Variants in THBS2 observed in about 807,000 individuals in gnomAD.
THBS2 encodes thrombospondin-2.
A neutral mutation model predicts 135.2 loss-of-function variants in THBS2; 47 were observed. The observed-to-expected ratio is 0.35, with a 90% CI of 0.28 to 0.44. The LOEUF is 0.44. Among genes scored for constraint, THBS2 ranks in the 20% least tolerant of loss-of-function variants. THBS2 has a pLI of 1.00. For missense variants in THBS2, 1,288 were observed against 1,603.1 expected (o/e 0.80, Z 3.36); for synonymous variants, 639 against 633.8 (o/e 1.01, Z -0.12).
chr6:169,249,885 C>T (rs1469355311), intron 2 of THBS2, among the ~76,000 whole-genome samples: 1 of 152,056 alleles, frequency 6.6e-6, no homozygotes, highest in Admixed American at 6.6e-5. Context: ...AAAAAATTAG[C>T]CAGGCATGGT....
Position 169,248,668 on chromosome 6 carries a change from G to A in THBS2, c.358C>T (p.Pro120Ser), listed in dbSNP as rs1780646760. ...TAGGTGAGATCCAGCGTGTCCGCGG[G>A]GCCGTTGGAGACGATCTCGAACTGC... ...QRQFEIVSNG[P>S]ADTLDLTYWI... The change falls in exon 3 of 22, where the codon CCC (proline) becomes TCC (serine). Residue 120 changes from proline (P) to serine (S), a missense_variant. Coordinates refer to ENST00000617924, the MANE Select transcript of THBS2 (RefSeq NM_003247.5). The A allele has an allele frequency of 6.2e-7, 1 of 1,613,706 alleles. No homozygotes were observed. Among genetic ancestry groups the A allele is most frequent in the Non-Finnish European group, 8.5e-7 (1 of 1,179,854 alleles).
At chr6:169,244,468 G>A (rs980700482) in intron 4 of THBS2, among the ~76,000 whole-genome samples, 12 of 152,110 alleles carry the variant, frequency 7.9e-5, no homozygotes, top group African/African-American at 2.2e-4. Context: ...CTGAACCCAC[G>A]TGAAATTATA....
At chr6:169,248,387 T>C in intron 3 of THBS2, 30 bp downstream of exon 3, 1 of 1,571,952 alleles carries the variant, frequency 6.4e-7, no homozygotes, top group Non-Finnish European at 8.7e-7. Context: ...CTTTCCTCCC[T>C]CACGGCGGCC....
intron 4 of THBS2, among the ~76,000 whole-genome samples, chr6:169,242,606 ACCTTCCC>A (rs1780356562): frequency 2.0e-5 from 1 of 51,050 alleles, no homozygotes; most frequent in African/African-American, 8.1e-5. Flanking sequence ...CCACATTCCC[ACCTTCCC>A]ACCGCTCCCA....
intron 17 of THBS2, 43 bp from the exon 18 acceptor site, chr6:169,223,518 A>C: frequency 3.2e-6 from 5 of 1,578,520 alleles, no homozygotes; most frequent in Non-Finnish European, 4.3e-6. Flanking sequence ...AAAACAAAGA[A>C]GCAAAGTCGG....
intron 3 of THBS2, 22 bp downstream of exon 3, chr6:169,248,395 G>A (rs1297946052): frequency 6.3e-7 from 1 of 1,579,736 alleles, no homozygotes; most frequent in Middle Eastern, 1.9e-4. Flanking sequence ...CCTCACGGCG[G>A]CCACCTCCCT....
In THBS2 at chr6:169,236,774, G is replaced by A. The variant is rs374299272; in HGVS notation, c.1477+396C>T. Among the ~76,000 whole-genome samples the A allele has an allele frequency of 1.8e-3, 169 of 92,238 alleles. 1 individual carries two copies. Among genetic ancestry groups the A allele is most frequent in the East Asian group, 9.0e-3 (26 of 2,892 alleles). The allele number at this position is 92,238 out of a possible 152,430, so 60.5% of individuals were successfully genotyped here. A position where few individuals can be genotyped will look rare whatever the true frequency, so the allele number is the denominator to read the frequency against. On this transcript the variant is annotated intron_variant, in intron 9 of 21. Coordinates refer to ENST00000617924, the MANE Select transcript of THBS2 (RefSeq NM_003247.5). Reference sequence around the variant, plus strand: ...CTCACTCCATCCACACTCACTCCCCGTCCACACTCACTCCCGTCCGCACTC... The same window carrying A: ...CTCACTCCATCCACACTCACTCCCCATCCACACTCACTCCCGTCCGCACTC...
At chr6:169,223,948 G>T (rs1339257071) in intron 17 of THBS2, among the ~76,000 whole-genome samples, 2 of 152,150 alleles carry the variant, frequency 1.3e-5, no homozygotes, top group Non-Finnish European at 2.9e-5. Context: ...ATGGACTTCC[G>T]CTGTTTAGTG....
chr6:169,217,237 G>T lies in THBS2; in HGVS notation c.*585C>A. ...TTTTACATGTTCCGATTAGTTAATCGGTAGCTTATGTCATTTGCTATGCCT... is the reference window on the plus strand; with the variant it reads ...TTTTACATGTTCCGATTAGTTAATCTGTAGCTTATGTCATTTGCTATGCCT... On this transcript the variant is annotated 3_prime_UTR_variant, in exon 22 of 22. Coordinates refer to ENST00000617924, the MANE Select transcript of THBS2 (RefSeq NM_003247.5). 6.6e-6 allele frequency: 1 copy of T among 152,394 alleles called. No individual in the cohort carries two copies. The highest frequency in any genetic ancestry group is 1.5e-5 in the Non-Finnish European group (1 of 68,100). 9.4% of individuals were successfully genotyped at this position (152,394 alleles called of 1,614,324 possible).
At chr6:169,251,064 T>C (rs1780735516) in intron 1 of THBS2, among the ~76,000 whole-genome samples, 1 of 152,232 alleles carries the variant, frequency 6.6e-6, no homozygotes, top group Non-Finnish European at 1.5e-5. Context: ...TATTATTTCA[T>C]CTTCATAATA....
At chr6:169,226,049 G>A (rs928807795) in intron 16 of THBS2, 131 bp downstream of exon 16, 38 of 949,782 alleles carry the variant, frequency 4.0e-5, no homozygotes, top group Non-Finnish European at 5.6e-5. Flanking sequence ...AGACCCGCCT[G>A]CCCATGGCTG....
chr6:169,228,021 C>T, intron 15 of THBS2, 101 bp downstream of exon 15: 1 of 1,392,592 alleles, frequency 7.2e-7, no homozygotes, highest in Non-Finnish European at 9.5e-7. Context: ...GTGGAGATCG[C>T]AGTGAGCCAA....
intron 9 of THBS2, among the ~76,000 whole-genome samples, chr6:169,236,244 CCCAT>C (rs1562359960): frequency 8.4e-6 from 1 of 119,214 alleles, no homozygotes. Context: ...ACACTCACTC[CCCAT>C]CCACATTCAC....
At chr6:169,222,493 G>C (rs138580567) in intron 18 of THBS2, 25 bp from the exon 19 acceptor site, 1 of 1,602,038 alleles carries the variant, frequency 6.2e-7, no homozygotes, top group Non-Finnish European at 8.5e-7. Context: ...ATAAGGTTTC[G>C]TTAGAAACAC....
chr6:169,228,234 C>T lies in THBS2; in HGVS notation c.2307G>A (p.Lys769=). ...TGTCACAGCGGTCCCCAACCTCATCCTTGTCATAGTCAGCCTGGCGGGGAT... is the reference window on the plus strand; with the variant it reads ...TGTCACAGCGGTCCCCAACCTCATCTTTGTCATAGTCAGCCTGGCGGGGAT... ...LFNPRQADYD[K]DEVGDRCDNC... Residue 769 remains lysine, a synonymous_variant, in exon 15 of 22, where the codon AAG becomes AAA. Transcript: ENST00000617924. 1.2e-6 allele frequency: 2 copies of T among 1,614,212 alleles called. No homozygotes were observed. Among genetic ancestry groups the T allele is most frequent in the Non-Finnish European group, 1.7e-6 (2 of 1,180,040 alleles).
chr6:169,227,726 A>ATTTTTATTATCAAT (rs1239621158), intron 15 of THBS2, among the ~76,000 whole-genome samples: 66 of 152,346 alleles, frequency 4.3e-4, no homozygotes, highest in Middle Eastern at 3.4e-3. Flanking sequence ...AAATGAAAGG[A>ATTTTTATTATCAAT]GCTTATCAAA....
chr6:169,218,707 T>TGAGAC (rs1779289731), intron 21 of THBS2, among the ~76,000 whole-genome samples: 2 of 131,668 alleles, frequency 1.5e-5, no homozygotes, highest in Admixed American at 8.0e-5. Flanking sequence ...GATGGATGGA[T>TGAGAC]GAGACAGGTG....
At chr6:169,219,716 A>G (rs1209677109) in intron 21 of THBS2, 6 of 499,506 alleles carry the variant, frequency 1.2e-5, no homozygotes, top group Non-Finnish European at 2.4e-5. Context: ...GTGGAAGGGT[A>G]ATGCGCATTT....
At chr6:169,243,094 A>C (rs1780417213) in intron 4 of THBS2, among the ~76,000 whole-genome samples, 3 of 70,596 alleles carry the variant, frequency 4.2e-5, no homozygotes, top group East Asian at 3.6e-4. Flanking sequence ...CACTGCTCCC[A>C]CCTTCCCACC....
Sources: allele counts gnomAD v4.1 joint callset (sites outside exome capture counted in the v4.1 genomes callset), GRCh38; gene constraint gnomAD v4.1.1; transcripts MANE v1.5; gene names NCBI Gene and HGNC (gene_info 2026-07-23, HGNC 2026-07-21).